UGT3A2: variants seen among roughly 807,000 people sequenced by gnomAD.
UGT3A2 encodes the protein UDP-glycosyltransferase 3A2.
Under a neutral mutation model 39.8 loss-of-function variants are expected in UGT3A2, and 32 were observed. The observed-to-expected ratio is 0.80, with a 90% CI of 0.61 to 1.08. UGT3A2 has a LOEUF of 1.08. Ranked by LOEUF, UGT3A2 falls within the 50% of genes least tolerant of loss-of-function variation. The pLI is 0.00. For synonymous variants in UGT3A2, 241 were observed against 230.7 expected (o/e 1.04, Z -0.40); for missense variants, 611 against 637.1 (o/e 0.96, Z 0.44).
At chr5:36,059,769 T>C (rs775736730) in intron 2 of UGT3A2, among the ~76,000 whole-genome samples, 77 of 152,222 alleles carry the variant, frequency 5.1e-4, no homozygotes, top group Admixed American at 9.2e-4. Flanking sequence ...GTGGAGCAGA[T>C]GCTTCAGCAA....
intron 4 of UGT3A2, among the ~76,000 whole-genome samples, chr5:36,041,204 C>T (rs1486839723): frequency 6.6e-6 from 1 of 152,042 alleles, no homozygotes. Context: ...GAGACTCCTG[C>T]TTTAGGAAGG....
chr5:36,054,269 G>A (rs752565959), intron 2 of UGT3A2, among the ~76,000 whole-genome samples: 30 of 152,002 alleles, frequency 2.0e-4, no homozygotes, highest in Admixed American at 5.2e-4. Context: ...TTTGCCTTTC[G>A]AACATGTAAA....
At chr5:36,055,298 T>A (rs1460781047) in intron 2 of UGT3A2, among the ~76,000 whole-genome samples, 1 of 151,760 alleles carries the variant, frequency 6.6e-6, no homozygotes, top group East Asian at 2.0e-4. Flanking sequence ...CATGGCACAA[T>A]CTTGGCTCAC....
chr5:36,063,146 T>C (rs1277885945), intron 2 of UGT3A2, among the ~76,000 whole-genome samples: 4 of 152,216 alleles, frequency 2.6e-5, no homozygotes, highest in Non-Finnish European at 5.9e-5. Flanking sequence ...TGCTTGCTTT[T>C]GGATTTTTTT....
intron 3 of UGT3A2, among the ~76,000 whole-genome samples, chr5:36,050,858 G>A (rs1281800548): frequency 4.3e-5 from 5 of 117,068 alleles, no homozygotes; most frequent in African/African-American, 9.4e-5. Flanking sequence ...GCAAAACTCC[G>A]TCTCAAAAAA....
chr5:36,066,756 A>G lies in UGT3A2; in HGVS notation c.34T>C (p.Phe12Leu), dbSNP rs1330865660. The change falls in exon 1 of 7, where the codon TTC becomes CTC. Residue 12 changes from phenylalanine to leucine, a missense_variant. By Grantham distance (22) the Phe-to-Leu change is conservative (BLOSUM62 0). Coordinates refer to ENST00000282507, the MANE Select transcript of UGT3A2 (RefSeq NM_174914.4). ...AGQRVLLLVGFLLPGVLLSEA... is the reference protein window; with the variant it reads ...AGQRVLLLVGLLLPGVLLSEA... Reference sequence around the variant, plus strand: ...GAGAGCAGGACCCCAGGGAGAAGGAAGCCCACTAGAAGAAGCACTCGCTGC... The same window carrying G: ...GAGAGCAGGACCCCAGGGAGAAGGAGGCCCACTAGAAGAAGCACTCGCTGC... 5.0e-6 allele frequency: 8 copies of G among 1,614,206 alleles called. No individual in the cohort carries two copies. Among genetic ancestry groups the G allele is most frequent in the Non-Finnish European group, 6.8e-6 (8 of 1,180,032 alleles).
At chr5:36,039,825 G>C in intron 4 of UGT3A2, 117 bp from the exon 5 acceptor site, 1 of 776,844 alleles carries the variant, frequency 1.3e-6, no homozygotes, top group South Asian at 1.7e-5. Flanking sequence ...CTGTCCCAAA[G>C]CTATTATTAT....
chr5:36,039,427 C>T (rs1424078606), intron 5 of UGT3A2, 50 bp downstream of exon 5: 1 of 1,557,364 alleles, frequency 6.4e-7, no homozygotes, highest in Admixed American at 1.7e-5. Flanking sequence ...CGTGATGAGC[C>T]CCAAAGACAG....
chr5:36,063,626 T>C (rs1742786257), intron 2 of UGT3A2, among the ~76,000 whole-genome samples: 2 of 152,190 alleles, frequency 1.3e-5, no homozygotes, highest in African/African-American at 4.8e-5. Context: ...GCTGAATATT[T>C]CTGTTCTATC....
intron 4 of UGT3A2, among the ~76,000 whole-genome samples, chr5:36,044,007 A>C (rs1198714763): frequency 6.6e-6 from 1 of 152,122 alleles, no homozygotes; most frequent in Non-Finnish European, 1.5e-5. Flanking sequence ...TATTACCTTT[A>C]TACCAAAACC....
chr5:36,055,019 A>G (rs1440929100), intron 2 of UGT3A2, among the ~76,000 whole-genome samples: 1 of 151,896 alleles, frequency 6.6e-6, no homozygotes, highest in Non-Finnish European at 1.5e-5. Context: ...AAGGTATAAA[A>G]TTCTTGGGTA....
intron 4 of UGT3A2, among the ~76,000 whole-genome samples, chr5:36,043,299 A>ATT (rs915785052): frequency 6.6e-6 from 1 of 152,130 alleles, no homozygotes; most frequent in Non-Finnish European, 1.5e-5. Context: ...CAATGAAGTA[A>ATT]TTAAGAAGGA....
chr5:36,056,030 C>G (rs1284987634), intron 2 of UGT3A2, among the ~76,000 whole-genome samples: 1 of 152,210 alleles, frequency 6.6e-6, no homozygotes, highest in Non-Finnish European at 1.5e-5. Context: ...AGCCACCGCG[C>G]CCAGCCTCCA....
At chr5:36,041,084 A>C (rs1741991514) in intron 4 of UGT3A2, among the ~76,000 whole-genome samples, 1 of 151,388 alleles carries the variant, frequency 6.6e-6, no homozygotes, top group Non-Finnish European at 1.5e-5. Flanking sequence ...GAGAGACCTA[A>C]GCCTGGCAGG....
chr5:36,057,838 C>T (rs1404295426), intron 2 of UGT3A2, among the ~76,000 whole-genome samples: 1 of 152,116 alleles, frequency 6.6e-6, no homozygotes, highest in Non-Finnish European at 1.5e-5. Context: ...CTATACCCAG[C>T]CAGTAGTTTC....
At chr5:36,044,319 A>G (rs1004777908) in intron 4 of UGT3A2, among the ~76,000 whole-genome samples, 2 of 152,102 alleles carry the variant, frequency 1.3e-5, no homozygotes, top group African/African-American at 4.8e-5. Context: ...AAAAAAACTG[A>G]TTATAGAAGA....
chr5:36,036,027 G>T, intron 6 of UGT3A2, 53 bp from the exon 7 acceptor site: 1 of 1,589,070 alleles, frequency 6.3e-7, no homozygotes, highest in Non-Finnish European at 8.6e-7. Context: ...ACAAGAGTTA[G>T]AATGTATGAT....
At chr5:36,064,806 T>A (rs562274101) in intron 1 of UGT3A2, among the ~76,000 whole-genome samples, 37 of 152,312 alleles carry the variant, frequency 2.4e-4, no homozygotes, top group African/African-American at 7.0e-4. Flanking sequence ...TTTGGACATT[T>A]CTGCTGCTGT....
chr5:36,064,039 G>A (rs1742799600), intron 2 of UGT3A2, among the ~76,000 whole-genome samples: 2 of 151,630 alleles, frequency 1.3e-5, no homozygotes, highest in Admixed American at 1.3e-4. Flanking sequence ...GTCAAGTAAG[G>A]GGAAAAAAAA....
Sources: allele counts gnomAD v4.1 joint callset (sites outside exome capture counted in the v4.1 genomes callset), GRCh38; gene constraint gnomAD v4.1.1; transcripts MANE v1.5; gene names NCBI Gene and HGNC (gene_info 2026-07-23, HGNC 2026-07-21).